The following MEGF8 variants were observed in gnomAD, a reference collection of about 807,000 sequenced individuals.
MEGF8 encodes the protein multiple EGF like domains 8.
MEGF8 carries 156 observed loss-of-function variants against 302.9 expected under a neutral mutation model. That is an observed-to-expected ratio of 0.52 (90% CI 0.45 to 0.59). The LOEUF (loss-of-function observed/expected upper bound fraction) is 0.59, where lower values mean the gene tolerates loss of function less well. MEGF8 is among the 20% of genes least tolerant of loss of function. The pLI is 0.00. For synonymous variants in MEGF8, 1,621 were observed against 1,660.5 expected (o/e 0.98, Z 0.58); for missense variants, 3,345 against 3,964.5 (o/e 0.84, Z 4.20).
At position 42,354,529 on chromosome 19, in the gene MEGF8, A is replaced by C; in HGVS notation, c.4012-59A>C. On this transcript the variant is annotated intron_variant, in intron 22 of 41. Coordinates refer to ENST00000251268, the MANE Select transcript of MEGF8 (RefSeq NM_001271938.2). This position sits in a 1 kb window ranked among gnomAD's most constrained non-coding sequence, Gnocchi z 4.3. ...CCTCTTGAACCCCTCCTCCTCCCAG[A>C]CCCCAGGTGTCGTTCTCATCCTCAT... 1.9e-6 allele frequency: 3 copies of C among 1,557,094 alleles called. No individual in the cohort carries two copies. Among genetic ancestry groups the C allele is most frequent in the Non-Finnish European group, 2.6e-6 (3 of 1,146,336 alleles).
chr19:42,346,980 G>GT (rs2039298116), intron 12 of MEGF8, among the ~76,000 whole-genome samples: 1 of 104,074 alleles, frequency 9.6e-6, no homozygotes, highest in Non-Finnish European at 1.8e-5. Context: ...GAGAGACTCT[G>GT]TCTCAAAAAA....
Position 42,343,991 on chromosome 19 carries a change from G to T in MEGF8, c.1706G>T (p.Ser569Ile). The T allele has an allele frequency of 6.2e-7, 1 of 1,613,788 alleles. No homozygotes were observed. Among genetic ancestry groups the T allele is most frequent in the Admixed American group, 1.7e-5 (1 of 60,008 alleles). The change falls in exon 10 of 42, where the codon AGC (serine) becomes ATC (isoleucine). Residue 569 changes from serine to isoleucine, a missense_variant. Physicochemically the swap from Ser to Ile is moderately radical, Grantham distance 142. Coordinates refer to ENST00000251268, the MANE Select transcript of MEGF8 (RefSeq NM_001271938.2). Reference sequence around the variant, plus strand: ...TACTGCTCCATGTACACAGACCACAGCGTCTGCTCCCGGGACCCGGAATGC... The same window carrying T: ...TACTGCTCCATGTACACAGACCACATCGTCTGCTCCCGGGACCCGGAATGC... ...LDYCSMYTDHSVCSRDPECSW... is the reference protein window; with the variant it reads ...LDYCSMYTDHIVCSRDPECSW...
chr19:42,369,459 T>G lies in MEGF8; in HGVS notation c.6642-72T>G. 1 of 1,482,554 alleles carries G rather than the reference T, an allele frequency of 6.7e-7. No individual in the cohort carries two copies. The highest frequency in any genetic ancestry group is 9.1e-7 in the Non-Finnish European group (1 of 1,093,720). 91.8% of individuals were successfully genotyped at this position (1,482,554 alleles called of 1,614,324 possible). On this transcript the variant is annotated intron_variant, in intron 37 of 41. Transcript: ENST00000251268. This position sits in a 1 kb window ranked among gnomAD's most constrained non-coding sequence, Gnocchi z 5.7. ...ACCAGTTGAGAAGAGGGTGGGGTAGTTGGTTGGGTGCTAGGCCATGAAGCC... is the reference window on the plus strand; with the variant it reads ...ACCAGTTGAGAAGAGGGTGGGGTAGGTGGTTGGGTGCTAGGCCATGAAGCC...
At chr19:42,373,027 C>T (rs910135578) in intron 41 of MEGF8, among the ~76,000 whole-genome samples, 2 of 151,734 alleles carry the variant, frequency 1.3e-5, no homozygotes, top group East Asian at 3.9e-4. Context: ...ACCAGGGAGT[C>T]TCAGAGATTA....
Position 42,358,735 on chromosome 19 carries a change from G to A in MEGF8, c.5176-52G>A. 1 of 1,466,782 alleles carries A rather than the reference G, an allele frequency of 6.8e-7. No homozygotes were observed. Among genetic ancestry groups the A allele is most frequent in the Non-Finnish European group, 9.0e-7 (1 of 1,108,138 alleles). The allele number at this position is 1,466,782 out of a possible 1,614,324, so 90.9% of individuals were successfully genotyped here. ...AGCCCGTCTTGGAGGCAGGGGGCTA[G>A]AAGCAAGAGACTCGAGGAGCCTCAA... On this transcript the variant is annotated intron_variant, in intron 29 of 41. Transcript: ENST00000251268. The surrounding 1 kb of genome is among the most constrained non-coding windows in gnomAD (Gnocchi z 4.4).
chr19:42,361,298 G>A (rs923406385), intron 32 of MEGF8, among the ~76,000 whole-genome samples: 4 of 152,132 alleles, frequency 2.6e-5, no homozygotes, highest in South Asian at 2.1e-4. Flanking sequence ...AGCTGGAGGG[G>A]GTCAGCTCAG....
chr19:42,346,984 C>CAAAAAAAAAAAAA (rs767117534), intron 12 of MEGF8, among the ~76,000 whole-genome samples: 20 of 49,638 alleles, frequency 4.0e-4, no homozygotes, highest in East Asian at 1.2e-3. Context: ...GACTCTGTCT[C>CAAAAAAAAAAAAA]AAAAAAAAAA....
At chr19:42,374,814 C>T (rs993341690) in intron 41 of MEGF8, among the ~76,000 whole-genome samples, 4 of 152,086 alleles carry the variant, frequency 2.6e-5, no homozygotes, top group Non-Finnish European at 5.9e-5. Context: ...AAGTAGGAAG[C>T]GGGGGCTAGG....
chr19:42,352,970 G>A lies in MEGF8; in HGVS notation c.3393G>A (p.Pro1131=), dbSNP rs774143536. The A allele has an allele frequency of 8.1e-6, 13 of 1,601,072 alleles. No homozygotes were observed. In the African/African-American group the frequency reaches 1.2e-4, roughly 15 times the overall value. ...GCCATGGTGTGTGCAGTGGCCCCCC[G>A]GACTTTACCTGCGTGTGTGACCTAG... is the stretch of plus-strand genomic sequence containing the variant. ...DCGHGVCSGP[P]DFTCVCDLGW... Residue 1131 remains proline, a synonymous_variant, in exon 20 of 42, where the codon CCG becomes CCA. Coordinates refer to ENST00000251268, the MANE Select transcript of MEGF8 (RefSeq NM_001271938.2). This position sits in a 1 kb window ranked among gnomAD's most constrained non-coding sequence, Gnocchi z 4.4.
In MEGF8 at chr19:42,333,769, G is replaced by T. The variant is rs555164561; in HGVS notation, c.351+1G>T. ...GCCCATCGAAGCTTCCTCAGGCAAGGTTAGTGGGGATGGGGCCGTGGCAGA... is the reference window on the plus strand; with the variant it reads ...GCCCATCGAAGCTTCCTCAGGCAAGTTTAGTGGGGATGGGGCCGTGGCAGA... On this transcript the variant is annotated splice_donor_variant, in intron 2 of 41. Coordinates refer to ENST00000251268, the MANE Select transcript of MEGF8 (RefSeq NM_001271938.2). LOFTEE classifies it high-confidence loss of function. The T allele has an allele frequency of 1.2e-6, 2 of 1,613,706 alleles. No individual in the cohort carries two copies. The highest frequency in any genetic ancestry group is 1.1e-5 in the South Asian group (1 of 91,076).
At chr19:42,367,966 G>T (rs1348527487) in intron 35 of MEGF8, among the ~76,000 whole-genome samples, 1 of 152,104 alleles carries the variant, frequency 6.6e-6, no homozygotes, top group Non-Finnish European at 1.5e-5. Flanking sequence ...CTGTTGTCCA[G>T]GCTGGAGTGC....
At chr19:42,326,488 T>C (rs2038985571) in intron 1 of MEGF8, 58 bp downstream of exon 1, 1 of 1,473,852 alleles carries the variant, frequency 6.8e-7, no homozygotes, top group Non-Finnish European at 8.9e-7. Flanking sequence ...CATGTGTGCA[T>C]TCATCCACTC....
chr19:42,350,898 A>G (rs939681573), intron 15 of MEGF8, among the ~76,000 whole-genome samples: 2 of 152,120 alleles, frequency 1.3e-5, no homozygotes, highest in Non-Finnish European at 2.9e-5. Context: ...TGGGCCTTGT[A>G]CAGGCTCCTG....
Position 42,354,957 on chromosome 19 carries a change from T to C in MEGF8, c.4144+237T>C, listed in dbSNP as rs1156670503. Among the ~76,000 whole-genome samples, 2 of 152,154 alleles carry C rather than the reference T, an allele frequency of 1.3e-5. No individual in the cohort carries two copies. Among genetic ancestry groups the C allele is most frequent in the Non-Finnish European group, 2.9e-5 (2 of 68,032 alleles). ...AGACATGTCTCTGGGGCATATAGAA[T>C]GTGGTTGGTGTGAGGATCCCACACC... On this transcript the variant is annotated intron_variant, in intron 23 of 41. Transcript: ENST00000251268. The surrounding 1 kb of genome is among the most constrained non-coding windows in gnomAD (Gnocchi z 4.3).
At position 42,375,848 on chromosome 19, in the gene MEGF8, C is replaced by T. The variant is rs929991676; in HGVS notation, c.7611C>T (p.Pro2537=). The change falls in exon 42 of 42, where the codon CCC becomes CCT. Residue 2537 remains proline, a synonymous_variant. Coordinates refer to ENST00000251268, the MANE Select transcript of MEGF8 (RefSeq NM_001271938.2). The surrounding 1 kb of genome is among the most constrained non-coding windows in gnomAD (Gnocchi z 7.1). The part of the protein sequence containing the change: ...QPPPAPPPPP[P]PADGGPRGAG... ...CCCCAGCCCCACCACCTCCACCACCCCCTGCAGATGGTGGGCCCCGGGGGG... is the reference window on the plus strand; with the variant it reads ...CCCCAGCCCCACCACCTCCACCACCTCCTGCAGATGGTGGGCCCCGGGGGG... The T allele has an allele frequency of 6.2e-7, 1 of 1,609,458 alleles. No homozygotes were observed. The highest frequency in any genetic ancestry group is 8.5e-7 in the Non-Finnish European group (1 of 1,178,410).
At chr19:42,355,255 C>CATAT (rs66495349) in intron 23 of MEGF8, among the ~76,000 whole-genome samples, 1 of 151,012 alleles carries the variant, frequency 6.6e-6, no homozygotes, top group Non-Finnish European at 1.5e-5. Flanking sequence ...CTGCGCCCGG[C>CATAT]ATATATATAT....
chr19:42,326,704 A>G (rs1225836629), intron 1 of MEGF8, among the ~76,000 whole-genome samples: 1 of 151,134 alleles, frequency 6.6e-6, no homozygotes, highest in Non-Finnish European at 1.5e-5. Context: ...TCTGGGTCCA[A>G]TCATTTGGCT....
In MEGF8 at chr19:42,360,976, G is replaced by A. The variant is rs772821463; in HGVS notation, c.5690G>A (p.Gly1897Glu). The change falls in exon 32 of 42, where the codon GGG becomes GAG. Residue 1897 changes from glycine to glutamate, a missense_variant. By Grantham distance (98) the Gly-to-Glu change is moderately conservative. Transcript: ENST00000251268. Reference protein sequence around the residue: ...NQSGACTWCHGACLSGDQAHR... With the variant: ...NQSGACTWCHEACLSGDQAHR... The stretch of plus-strand genomic sequence containing the variant: ...TCTGGGGCCTGCACCTGGTGCCATG[G>A]GGCCTGCTTGTCCGGGGATCAGGCC... The A allele has an allele frequency of 5.7e-6, 9 of 1,570,118 alleles. No homozygotes were observed. In the South Asian group the frequency reaches 7.0e-5, roughly 12 times the overall value.
rs559152907 is a variant in MEGF8, at chr19:42,370,078, G to A, written c.6835-111G>A. ...CTGGGATTGTCCAAACCAGGTACCC[G>A]AGCCTCTGCTGCCCTCCCGTGGGCT... On this transcript the variant is annotated intron_variant, in intron 38 of 41. Coordinates refer to ENST00000251268, the MANE Select transcript of MEGF8 (RefSeq NM_001271938.2). The A allele has an allele frequency of 2.4e-5, 29 of 1,222,012 alleles. No individual in the cohort carries two copies. In the African/African-American group the frequency reaches 3.5e-4, roughly 15 times the overall value. 75.7% of individuals were successfully genotyped at this position (1,222,012 alleles called of 1,614,324 possible).
Sources: allele counts gnomAD v4.1 joint callset (sites outside exome capture counted in the v4.1 genomes callset), GRCh38; gene constraint gnomAD v4.1.1; non-coding constraint Gnocchi (gnomAD v3.1); transcripts MANE v1.5; gene names NCBI Gene and HGNC (gene_info 2026-07-23, HGNC 2026-07-21).